Variants in ADCY2 observed in about 807,000 individuals in gnomAD.
ADCY2 encodes the protein adenylate cyclase type 2.
ADCY2 carries 31 observed loss-of-function variants against 125.2 expected under a neutral mutation model. That is an observed-to-expected ratio of 0.25 (90% CI 0.19 to 0.33). The LOEUF (loss-of-function observed/expected upper bound fraction) is 0.33, where lower values mean the gene tolerates loss of function less well. Ranked by LOEUF, ADCY2 falls within the 10% of genes least tolerant of loss-of-function variation. ADCY2 has a pLI of 1.00. For synonymous variants in ADCY2, 512 were observed against 548.4 expected, an observed-to-expected ratio of 0.93 and a Z score of 0.93; for missense variants, 904 against 1,418.2, an observed-to-expected ratio of 0.64 and a Z score of 5.82.
At chr5:7,671,249 A>G (rs1407722641) in intron 4 of ADCY2, among the ~76,000 whole-genome samples, 2 of 152,184 alleles carry the variant, frequency 1.3e-5, no homozygotes, top group African/African-American at 4.8e-5. Context: ...TTTGCTTAAG[A>G]TATGTGTCAT....
intron 2 of ADCY2, among the ~76,000 whole-genome samples, chr5:7,442,604 C>G (rs1405209771): frequency 6.6e-6 from 1 of 152,134 alleles, no homozygotes; most frequent in Non-Finnish European, 1.5e-5. Context: ...TGCTCTTTCT[C>G]TCACTGCCCT....
In ADCY2 at chr5:7,640,667, A is replaced by G. The variant is rs182912264; in HGVS notation, c.720+14351A>G. Among the ~76,000 whole-genome samples, 651 of 150,170 alleles carry G rather than the reference A, an allele frequency of 4.3e-3. 3 individuals are homozygous for G. Among genetic ancestry groups the G allele is most frequent in the Non-Finnish European group, 6.3e-3 (427 of 67,334 alleles). ...ACTGTCTTCTGCCTTTGGTAACATT[A>G]TTTTTTTTTTCATTTAATTGGGAAA... On this transcript the variant is annotated intron_variant, in intron 4 of 24. Transcript: ENST00000338316.
At chr5:7,825,967 C>G (rs527837961) in intron 24 of ADCY2, among the ~76,000 whole-genome samples, 1 of 152,210 alleles carries the variant, frequency 6.6e-6, no homozygotes, top group African/African-American at 2.4e-5. Context: ...CCTCGCCTGT[C>G]GGTGCAATGG....
chr5:7,512,757 G>T (rs1473027295), intron 2 of ADCY2, among the ~76,000 whole-genome samples: 2 of 152,194 alleles, frequency 1.3e-5, no homozygotes, highest in African/African-American at 4.8e-5. Context: ...AGCTGAGCCA[G>T]TGGAGCTCAG....
chr5:7,731,145 G>A (rs369355016), intron 14 of ADCY2, among the ~76,000 whole-genome samples: 1 of 151,538 alleles, frequency 6.6e-6, no homozygotes, highest in Admixed American at 6.6e-5. Flanking sequence ...TAATCTTTAT[G>A]ATTATTGTTT....
intron 2 of ADCY2, among the ~76,000 whole-genome samples, chr5:7,516,116 G>A (rs1744244838): frequency 6.9e-6 from 1 of 145,598 alleles, no homozygotes; most frequent in Non-Finnish European, 1.6e-5. Flanking sequence ...AGCAGCATTA[G>A]ACAAGGGCTC....
At chr5:7,798,323 A>C (rs1274981715) in intron 20 of ADCY2, 1 of 152,260 alleles carries the variant, frequency 6.6e-6, no homozygotes, top group Non-Finnish European at 1.5e-5. Context: ...CCACAGGAGG[A>C]AAGCCAGGTT....
chr5:7,799,558 T>C (rs1303873261), intron 20 of ADCY2: 1 of 152,296 alleles, frequency 6.6e-6, no homozygotes, highest in African/African-American at 2.4e-5. Flanking sequence ...GATCAGTTTG[T>C]AGTCCAAGCT....
At chr5:7,537,002 G>T (rs2126554679) in intron 3 of ADCY2, among the ~76,000 whole-genome samples, 1 of 137,268 alleles carries the variant, frequency 7.3e-6, no homozygotes, top group East Asian at 2.3e-4. Context: ...ATAAATCACA[G>T]TTATTTACTG....
chr5:7,498,676 A>G (rs776598063), intron 2 of ADCY2, among the ~76,000 whole-genome samples: 18 of 152,228 alleles, frequency 1.2e-4, no homozygotes, highest in Admixed American at 2.0e-4. Flanking sequence ...TCCTCAGTTT[A>G]TATTCAACAT....
intron 2 of ADCY2, among the ~76,000 whole-genome samples, chr5:7,513,875 C>T (rs1280682649): frequency 6.6e-6 from 1 of 152,020 alleles, no homozygotes; most frequent in Admixed American, 6.6e-5. Flanking sequence ...AATTGCTCTG[C>T]CTTTGGTTAT....
intron 3 of ADCY2, among the ~76,000 whole-genome samples, chr5:7,592,204 T>C (rs1736867365): frequency 6.6e-6 from 1 of 152,236 alleles, no homozygotes; most frequent in Non-Finnish European, 1.5e-5. Context: ...TAAATAGTTA[T>C]TAGTGTATTT....
At chr5:7,578,803 A>C (rs1579593192) in intron 3 of ADCY2, among the ~76,000 whole-genome samples, 1 of 152,204 alleles carries the variant, frequency 6.6e-6, no homozygotes, top group Non-Finnish European at 1.5e-5. Flanking sequence ...CAACAGAGTA[A>C]GTTCCTTGCA....
In ADCY2 at chr5:7,541,187, C is replaced by T. The variant is rs113417537; in HGVS notation, c.570+20288C>T. ...CCAGTTTCATGGGGTCTTAAAAGAC[C>T]GTTGAGATATTTTGTACAGAATATC... On this transcript the variant is annotated intron_variant, in intron 3 of 24. Transcript: ENST00000338316. 6.5e-3 allele frequency among the ~76,000 whole-genome samples: 993 copies of T among 152,162 alleles called. 15 individuals carry two copies. Among genetic ancestry groups the T allele is most frequent in the African/African-American group, 0.023 (958 of 41,502 alleles).
intron 16 of ADCY2, among the ~76,000 whole-genome samples, chr5:7,763,394 A>G (rs548692266): frequency 2.2e-4 from 33 of 152,304 alleles, no homozygotes; most frequent in African/African-American, 7.9e-4. Flanking sequence ...CCCGGCCTCT[A>G]ATGTATTTTT....
intron 3 of ADCY2, among the ~76,000 whole-genome samples, chr5:7,557,661 G>C (rs1735568252): frequency 6.6e-6 from 1 of 152,124 alleles, no homozygotes; most frequent in Non-Finnish European, 1.5e-5. Context: ...AAGGATAATG[G>C]CCTCCAGCTT....
Position 7,426,219 on chromosome 5 carries a change from C to T in ADCY2, c.408+11449C>T, listed in dbSNP as rs114163295. Among the ~76,000 whole-genome samples the T allele has an allele frequency of 1.8e-3, 269 of 152,306 alleles. 1 individual carries two copies. Among genetic ancestry groups the T allele is most frequent in the Non-Finnish European group, 3.2e-3 (219 of 68,030 alleles). On this transcript the variant is annotated intron_variant, in intron 2 of 24. Coordinates refer to ENST00000338316, the MANE Select transcript of ADCY2 (RefSeq NM_020546.3). ...GTTTTAGCCAGAATAAAACATTTCTCTGAGTTAAAAGTGAATATTGAGTTC... is the reference window on the plus strand; with the variant it reads ...GTTTTAGCCAGAATAAAACATTTCTTTGAGTTAAAAGTGAATATTGAGTTC...
At chr5:7,649,653 A>G (rs188024056) in intron 4 of ADCY2, among the ~76,000 whole-genome samples, 2 of 152,080 alleles carry the variant, frequency 1.3e-5, no homozygotes, top group African/African-American at 4.8e-5. Flanking sequence ...ACCCTTAGGG[A>G]TCTCACCCAT....
chr5:7,482,781 TATATATATATAC>T lies in ADCY2; in HGVS notation c.409-37955_409-37944del, dbSNP rs1323686254. The stretch of plus-strand genomic sequence containing the variant: ...AAAGAAAATGTGATATATATATATA[TATATATATATAC>T]ACACACACATACATATATACATATA... On this transcript the variant is annotated intron_variant, in intron 2 of 24. Transcript: ENST00000338316. Among the ~76,000 whole-genome samples, 543 of 144,188 alleles carry T rather than the reference TATATATATATAC, an allele frequency of 3.8e-3. 11 individuals carry two copies. The highest frequency in any genetic ancestry group is 0.014 in the African/African-American group (518 of 37,956). 94.6% of individuals were successfully genotyped at this position (144,188 alleles called of 152,430 possible). A position where few individuals can be genotyped will look rare whatever the true frequency, so the allele number is the denominator to read the frequency against.
Sources: gnomAD v4.1 joint callset for allele counts (sites outside exome capture counted in the v4.1 genomes callset) on GRCh38, gnomAD v4.1.1 for gene constraint, MANE v1.5 for transcripts, NCBI Gene and HGNC (gene_info 2026-07-23, HGNC 2026-07-21) for gene names.